The following OPCML variants were observed in gnomAD, a reference collection of about 807,000 sequenced individuals.
OPCML encodes opioid binding protein/cell adhesion molecule like.
A neutral mutation model predicts 37.8 loss-of-function variants in OPCML; 13 were observed. That is an observed-to-expected ratio of 0.34 (90% confidence interval 0.22 to 0.55). The LOEUF (loss-of-function observed/expected upper bound fraction) is 0.55. Among genes scored for constraint, OPCML ranks in the 20% least tolerant of loss-of-function variants. The probability of loss-of-function intolerance (pLI) is 0.91; values close to 1 mark genes in which losing one functional copy is unlikely to be tolerated. For synonymous variants in OPCML, 176 were observed against 168.8 expected, an observed-to-expected ratio of 1.04 and a Z score of -0.33; for missense variants, 341 against 435.6, an observed-to-expected ratio of 0.78 and a Z score of 1.93.
chr11:132,819,308 T>C (rs1939830936), intron 2 of OPCML, among the ~76,000 whole-genome samples: 1 of 151,306 alleles, frequency 6.6e-6, no homozygotes, highest in African/African-American at 2.4e-5. Context: ...GATACCTATA[T>C]TGGAGTTAGC....
intron 1 of OPCML, among the ~76,000 whole-genome samples, chr11:132,981,990 A>G (rs1340269152): frequency 2.0e-5 from 3 of 152,200 alleles, no homozygotes; most frequent in Non-Finnish European, 4.4e-5. Flanking sequence ...ATGCAGAAGC[A>G]GGCCTTTGGG....
chr11:132,901,461 C>A (rs1013610621), intron 2 of OPCML, among the ~76,000 whole-genome samples: 1 of 152,140 alleles, frequency 6.6e-6, no homozygotes, highest in Admixed American at 6.5e-5. Context: ...ATGAATAGCC[C>A]AGCGTTGCAC....
chr11:133,116,267 A>G (rs187126150), intron 1 of OPCML, among the ~76,000 whole-genome samples: 1 of 152,220 alleles, frequency 6.6e-6, no homozygotes, highest in African/African-American at 2.4e-5. Context: ...GCACCCGGCC[A>G]AGGGCATTAT....
chr11:132,899,929 C>T (rs1382327486), intron 2 of OPCML, among the ~76,000 whole-genome samples: 5 of 152,174 alleles, frequency 3.3e-5, no homozygotes, highest in South Asian at 2.1e-4. Context: ...CCCCCACTCC[C>T]ACCCCAGGAT....
intron 2 of OPCML, among the ~76,000 whole-genome samples, chr11:132,739,852 T>C (rs536855498): frequency 6.6e-6 from 1 of 152,322 alleles, no homozygotes; most frequent in African/African-American, 2.4e-5. Flanking sequence ...AATGCCTCTC[T>C]GGACCCCATC....
At chr11:132,879,397 A>G (rs1010336898) in intron 2 of OPCML, among the ~76,000 whole-genome samples, 7 of 152,346 alleles carry the variant, frequency 4.6e-5, no homozygotes, top group Non-Finnish European at 7.3e-5. Flanking sequence ...CAATGAGTTA[A>G]AGGTAGTCAA....
rs930330717 is a variant in OPCML, at chr11:132,894,925, A to C, written c.146+48001T>G. ...GGCTGTCACAGGACTTCTCAGCCTC[A>C]GTAATCAGGTGAGTCAATTCCCCTA... On this transcript the variant is annotated intron_variant, in intron 2 of 7. Transcript: ENST00000524381. Among the ~76,000 whole-genome samples the C allele has an allele frequency of 4.6e-5, 7 of 152,324 alleles. No individual in the cohort carries two copies. The East Asian group carries it at 1.4e-3, about 29-fold the overall frequency.
At chr11:132,831,717 T>C (rs868550319) in intron 2 of OPCML, among the ~76,000 whole-genome samples, 1 of 137,486 alleles carries the variant, frequency 7.3e-6, no homozygotes, top group African/African-American at 2.7e-5. Flanking sequence ...ACACAACTCT[T>C]CCCCCTTTTC....
intron 3 of OPCML, among the ~76,000 whole-genome samples, chr11:132,543,018 G>A (rs1319443342): frequency 6.6e-6 from 1 of 151,762 alleles, no homozygotes; most frequent in Non-Finnish European, 1.5e-5. Flanking sequence ...TTTGGAAAAT[G>A]TTTAAGAAAT....
In OPCML at chr11:132,416,032, G is replaced by C. The variant is rs1014379741; in HGVS notation, c.*4161C>G. The C allele has an allele frequency of 4.6e-5, 7 of 152,590 alleles. No homozygotes were observed. Among genetic ancestry groups the C allele is most frequent in the Middle Eastern group, 3.2e-3 (1 of 316 alleles). 9.5% of individuals were successfully genotyped at this position (152,590 alleles called of 1,614,324 possible). On this transcript the variant is annotated 3_prime_UTR_variant, in exon 8 of 8. Transcript: ENST00000524381. ...CAGGGAAGCTCTGAATAATAGGAGG[G>C]GAGGCAATTGGGTATAAGAGTTTCC...
At position 133,254,464 on chromosome 11, in the gene OPCML, G is replaced by A. The variant is rs551203612; in HGVS notation, c.61+277800C>T. On this transcript the variant is annotated intron_variant, in intron 1 of 7. Transcript: ENST00000524381. ...CCACACCAAGGATTTTATCCTTTAAGCACTAGTGCTTCTTCAACCCGGGAA... is the reference window on the plus strand; with the variant it reads ...CCACACCAAGGATTTTATCCTTTAAACACTAGTGCTTCTTCAACCCGGGAA... Among the ~76,000 whole-genome samples, 36 of 152,258 alleles carry A rather than the reference G, an allele frequency of 2.4e-4. No individual in the cohort carries two copies. The South Asian group carries it at 7.5e-3, about 32-fold the overall frequency.
At chr11:132,625,499 T>A (rs1393158309) in intron 3 of OPCML, among the ~76,000 whole-genome samples, 2 of 152,220 alleles carry the variant, frequency 1.3e-5, no homozygotes, top group Non-Finnish European at 2.9e-5. Context: ...CAGTTACTTA[T>A]GCCTCTGCCA....
chr11:133,169,818 G>C (rs1486036272), intron 1 of OPCML, among the ~76,000 whole-genome samples: 1 of 152,090 alleles, frequency 6.6e-6, no homozygotes, highest in East Asian at 1.9e-4. Flanking sequence ...ACTTAGAATG[G>C]TGATATATGT....
intron 3 of OPCML, among the ~76,000 whole-genome samples, chr11:132,648,239 A>C (rs2135742100): frequency 6.6e-6 from 1 of 152,306 alleles, no homozygotes; most frequent in Middle Eastern, 3.4e-3. Context: ...GTTTATGAAC[A>C]TTTACTAATT....
intron 2 of OPCML, among the ~76,000 whole-genome samples, chr11:132,685,615 T>C (rs1482339443): frequency 2.6e-5 from 4 of 152,350 alleles, no homozygotes; most frequent in Admixed American, 2.0e-4. Context: ...GGAGTTATAA[T>C]TGGATTTTAT....
At chr11:132,667,150 G>A (rs1232273302) in intron 2 of OPCML, among the ~76,000 whole-genome samples, 7 of 152,158 alleles carry the variant, frequency 4.6e-5, no homozygotes, top group Admixed American at 6.5e-5. Flanking sequence ...AGAGGTAGAG[G>A]CAATTAGGTT....
intron 1 of OPCML, among the ~76,000 whole-genome samples, chr11:133,481,544 G>C (rs1947372477): frequency 6.6e-6 from 1 of 152,134 alleles, no homozygotes; most frequent in Non-Finnish European, 1.5e-5. Flanking sequence ...GGCCATCCAT[G>C]GGAATTATTT....
intron 1 of OPCML, among the ~76,000 whole-genome samples, chr11:133,496,274 C>A (rs1232324655): frequency 6.6e-6 from 1 of 152,090 alleles, no homozygotes; most frequent in African/African-American, 2.4e-5. Context: ...TATTTTTATA[C>A]CAGTACCACA....
chr11:132,504,228 A>G (rs1236188323), intron 4 of OPCML, among the ~76,000 whole-genome samples: 3 of 152,202 alleles, frequency 2.0e-5, no homozygotes, highest in Non-Finnish European at 4.4e-5. Flanking sequence ...TTTATGAAAC[A>G]AAGATTTCAA....
Sources: allele counts gnomAD v4.1 joint callset (sites outside exome capture counted in the v4.1 genomes callset), GRCh38; gene constraint gnomAD v4.1.1; transcripts MANE v1.5; gene names NCBI Gene and HGNC (gene_info 2026-07-23, HGNC 2026-07-21).